Variants in KCNMA1 observed in about 807,000 individuals in gnomAD.
KCNMA1 encodes the protein Calcium-activated potassium channel subunit alpha-1.
In KCNMA1, 29 loss-of-function variants were observed where a neutral mutation model predicts 140.0. The observed-to-expected ratio is 0.21, with a 90% CI of 0.15 to 0.28. The LOEUF (loss-of-function observed/expected upper bound fraction) is 0.28. KCNMA1 is among the 10% of genes least tolerant of loss of function. The probability of loss-of-function intolerance (pLI) is 1.00; values close to 1 mark genes in which losing one functional copy is unlikely to be tolerated. For missense variants in KCNMA1, 880 were observed against 1,602.2 expected (o/e 0.55, Z 7.70); for synonymous variants, 612 against 611.9 (o/e 1.00, Z 0.00).
chr10:77,002,959 G>C (rs574533125), intron 18 of KCNMA1, among the ~76,000 whole-genome samples: 1 of 152,100 alleles, frequency 6.6e-6, no homozygotes, highest in Non-Finnish European at 1.5e-5. Flanking sequence ...GTAGAGAATG[G>C]TTGCACTCTT....
intron 1 of KCNMA1, among the ~76,000 whole-genome samples, chr10:77,410,711 C>T (rs565868927): frequency 1.3e-5 from 2 of 152,348 alleles, no homozygotes; most frequent in African/African-American, 4.8e-5. Context: ...ACTAGCTCCA[C>T]TTCAGATGCA....
chr10:76,990,458 G>T (rs985241531), intron 19 of KCNMA1, among the ~76,000 whole-genome samples: 2 of 152,198 alleles, frequency 1.3e-5, no homozygotes, highest in Admixed American at 1.3e-4. Context: ...AAATACAGGA[G>T]ATGTCTGCCT....
intron 27 of KCNMA1, among the ~76,000 whole-genome samples, chr10:76,889,066 A>T (rs1162326042): frequency 6.6e-6 from 1 of 151,856 alleles, no homozygotes; most frequent in Non-Finnish European, 1.5e-5. Context: ...CTCAAAAAAC[A>T]AACAAACAAA....
At chr10:77,467,269 A>G (rs2098045340) in intron 1 of KCNMA1, among the ~76,000 whole-genome samples, 1 of 152,214 alleles carries the variant, frequency 6.6e-6, no homozygotes, top group Non-Finnish European at 1.5e-5. Flanking sequence ...GTACTGCCAC[A>G]CTGTTGGCAG....
intron 1 of KCNMA1, among the ~76,000 whole-genome samples, chr10:77,526,607 A>G (rs1603632891): frequency 6.6e-6 from 1 of 152,242 alleles, no homozygotes; most frequent in Non-Finnish European, 1.5e-5. Context: ...GCCCTTCTCC[A>G]TGGAGACGAT....
intron 2 of KCNMA1, among the ~76,000 whole-genome samples, chr10:77,374,323 G>A (rs1351683478): frequency 1.3e-5 from 2 of 152,064 alleles, no homozygotes; most frequent in Non-Finnish European, 2.9e-5. Context: ...TTGTCACAAG[G>A]TGCTACATCA....
intron 19 of KCNMA1, among the ~76,000 whole-genome samples, chr10:76,982,872 T>G (rs1052520589): frequency 1.3e-5 from 2 of 152,202 alleles, no homozygotes; most frequent in Non-Finnish European, 2.9e-5. Flanking sequence ...CCTTGGCAAC[T>G]GTCCAGTTCC....
chr10:77,367,409 T>C (rs1273952921), intron 2 of KCNMA1, among the ~76,000 whole-genome samples: 1 of 152,198 alleles, frequency 6.6e-6, no homozygotes, highest in East Asian at 1.9e-4. Context: ...ATCTGCATGT[T>C]ACGATGTTTC....
intron 15 of KCNMA1, among the ~76,000 whole-genome samples, chr10:77,034,818 T>A (rs907518659): frequency 1.3e-5 from 2 of 152,220 alleles, no homozygotes; most frequent in African/African-American, 4.8e-5. Context: ...TTTAAATACA[T>A]CTTTTGTCCT....
intron 23 of KCNMA1, among the ~76,000 whole-genome samples, chr10:76,942,460 C>T (rs910914017): frequency 6.6e-6 from 1 of 152,142 alleles, no homozygotes; most frequent in East Asian, 1.9e-4. Context: ...AGAAAGAGTG[C>T]CCTTTTTTTC....
rs200212198 is a variant in KCNMA1, at chr10:77,387,561, C to T, written c.540+16301G>A. Among the ~76,000 whole-genome samples, 368 of 128,052 alleles carry T rather than the reference C, an allele frequency of 2.9e-3. 2 individuals are homozygous for T. Among genetic ancestry groups the T allele is most frequent in the African/African-American group, 8.5e-3 (293 of 34,462 alleles). The allele number at this position is 128,052 out of a possible 152,430, so 84.0% of individuals were successfully genotyped here. A position where few individuals can be genotyped will look rare whatever the true frequency, so the allele number is the denominator to read the frequency against. On this transcript the variant is annotated intron_variant, in intron 2 of 27. Coordinates refer to ENST00000286628, the MANE Select transcript of KCNMA1 (RefSeq NM_001161352.2). ...TTTTCTTTTCTTTTCTTTTCTTTTTCTTTTCTTTTCTTTTTTTTCTTTTCT... is the reference window on the plus strand; with the variant it reads ...TTTTCTTTTCTTTTCTTTTCTTTTTTTTTTCTTTTCTTTTTTTTCTTTTCT...
chr10:77,171,169 G>A (rs775256122), intron 5 of KCNMA1, among the ~76,000 whole-genome samples: 1 of 152,116 alleles, frequency 6.6e-6, no homozygotes, highest in Non-Finnish European at 1.5e-5. Flanking sequence ...TGTTAGCCAT[G>A]CAGATCCTCA....
chr10:77,593,781 A>T (rs993417087), intron 1 of KCNMA1, among the ~76,000 whole-genome samples: 2 of 151,924 alleles, frequency 1.3e-5, no homozygotes, highest in African/African-American at 4.8e-5. Flanking sequence ...CTACTCCAAC[A>T]ACCTGTGCAA....
At chr10:77,546,978 C>T (rs2061586885) in intron 1 of KCNMA1, among the ~76,000 whole-genome samples, 4 of 152,176 alleles carry the variant, frequency 2.6e-5, no homozygotes, top group Admixed American at 2.6e-4. Flanking sequence ...CAATTAATGG[C>T]ACATGGTCAA....
intron 2 of KCNMA1, among the ~76,000 whole-genome samples, chr10:77,383,287 CT>C (rs140580769): frequency 0.011 from 1,601 of 151,846 alleles, 20 homozygotes; most frequent in Middle Eastern, 0.027. Flanking sequence ...CAACAATTGG[CT>C]TAGGACCGAC....
intron 2 of KCNMA1, among the ~76,000 whole-genome samples, chr10:77,313,578 T>C (rs565696898): frequency 2.0e-5 from 3 of 152,158 alleles, no homozygotes; most frequent in Non-Finnish European, 4.4e-5. Flanking sequence ...GGACCTTCCT[T>C]CCAAGGAAAC....
At chr10:77,488,408 G>T (rs1418629647) in intron 1 of KCNMA1, among the ~76,000 whole-genome samples, 2 of 152,214 alleles carry the variant, frequency 1.3e-5, no homozygotes, top group Non-Finnish European at 2.9e-5. Context: ...GCCATTGGCT[G>T]CCGGACCCTG....
chr10:77,080,594 G>A (rs778734172), intron 12 of KCNMA1, among the ~76,000 whole-genome samples: 23 of 152,132 alleles, frequency 1.5e-4, no homozygotes, highest in Non-Finnish European at 3.4e-4. Flanking sequence ...TGTGTCCTGG[G>A]CATGAAAAAT....
intron 13 of KCNMA1, among the ~76,000 whole-genome samples, chr10:77,075,334 C>T (rs2096359570): frequency 6.6e-6 from 1 of 152,220 alleles, no homozygotes; most frequent in Non-Finnish European, 1.5e-5. Flanking sequence ...TGGAGAAATA[C>T]TCACTTGCAG....
Sources: gnomAD v4.1 joint callset for allele counts (sites outside exome capture counted in the v4.1 genomes callset) on GRCh38, gnomAD v4.1.1 for gene constraint, MANE v1.5 for transcripts, NCBI Gene and HGNC (gene_info 2026-07-23, HGNC 2026-07-21) for gene names.